TTLL13: variants seen among roughly 807,000 people sequenced by gnomAD.
The protein encoded by TTLL13 is tubulin polyglutamylase TTLL13.
chr15:90,257,524 G>A, the TTLL13 span: 8 of 1,071,540 alleles, frequency 7.5e-6, no homozygotes, highest in Middle Eastern at 2.5e-4. Flanking sequence ...CTGGTGGAGA[G>A]AGACAGGAGA....
At chr15:90,251,415 C>A in the TTLL13 span, 1 of 871,236 alleles carries the variant, frequency 1.1e-6, no homozygotes, top group Non-Finnish European at 1.9e-6. Context: ...TGAGCCACCG[C>A]GCCCAGCCCA....
the TTLL13 span, chr15:90,258,387 G>T: frequency 1.1e-6 from 1 of 877,048 alleles, no homozygotes. Flanking sequence ...TGAAAGCCCT[G>T]GGGTGGGCAG....
At chr15:90,255,815 C>T in the TTLL13 span, 30 of 1,614,086 alleles carry the variant, frequency 1.9e-5, no homozygotes, top group Non-Finnish European at 2.5e-5. Context: ...GGCTCGGAAC[C>T]TCAACCGCAT....
At chr15:90,259,298 G>A in the TTLL13 span, among the ~76,000 whole-genome samples, 1 of 152,028 alleles carries the variant, frequency 6.6e-6, no homozygotes, top group Non-Finnish European at 1.5e-5. Context: ...GCTGAGGTGG[G>A]ATGGTTACTT....
the TTLL13 span, chr15:90,258,646 G>T: frequency 1.9e-6 from 2 of 1,065,888 alleles, no homozygotes; most frequent in Admixed American, 3.7e-5. Flanking sequence ...GAGGCCATGG[G>T]AGAGGAATAT....
At chr15:90,260,314 A>C in the TTLL13 span, among the ~76,000 whole-genome samples, 1 of 151,852 alleles carries the variant, frequency 6.6e-6, no homozygotes, top group Non-Finnish European at 1.5e-5. Flanking sequence ...CCTGGGCAAC[A>C]GGCAAAACCC....
chr15:90,265,140 A>C, the TTLL13 span: 1 of 1,224,798 alleles, frequency 8.2e-7, no homozygotes, highest in Non-Finnish European at 1.1e-6. Flanking sequence ...TCAATACCCT[A>C]AGATTAATTG....
the TTLL13 span, chr15:90,263,695 C>G: frequency 1.6e-6 from 1 of 627,890 alleles, no homozygotes; most frequent in African/African-American, 1.8e-5. Flanking sequence ...ACGCTCCATC[C>G]AAACTTACAT....
At chr15:90,258,775 A>G in the TTLL13 span, 1 of 1,614,192 alleles carries the variant, frequency 6.2e-7, no homozygotes, top group Non-Finnish European at 8.5e-7. Flanking sequence ...CCACGGACTC[A>G]TGCCTTGATC....
the TTLL13 span, among the ~76,000 whole-genome samples, chr15:90,251,202 C>G: frequency 1.7e-3 from 252 of 146,136 alleles, 2 homozygotes; most frequent in African/African-American, 6.2e-3. Context: ...CAAGCTCCGC[C>G]TCCCGGGTTC....
chr15:90,265,192 G>A, the TTLL13 span: 3 of 1,344,740 alleles, frequency 2.2e-6, no homozygotes, highest in Non-Finnish European at 2.9e-6. Context: ...GCCAAGGCCA[G>A]CCATGTACTC....
the TTLL13 span, chr15:90,263,271 G>A: frequency 1.2e-6 from 1 of 869,040 alleles, no homozygotes; most frequent in South Asian, 1.8e-5. Context: ...GGAAAGCAGA[G>A]TGCGCTAGCT....
the TTLL13 span, chr15:90,262,354 A>G: frequency 2.1e-4 from 238 of 1,136,724 alleles, no homozygotes; most frequent in African/African-American, 3.5e-3. Context: ...TAGGTTTCCT[A>G]TCTTCCCCTC....
the TTLL13 span, among the ~76,000 whole-genome samples, chr15:90,256,565 CTTT>C: frequency 2.8e-4 from 11 of 39,420 alleles, no homozygotes; most frequent in African/African-American, 1.0e-3. Context: ...TTCTTTCTTT[CTTT>C]CTTTCTTTCT....
chr15:90,259,340 T>C, the TTLL13 span, among the ~76,000 whole-genome samples: 1 of 151,792 alleles, frequency 6.6e-6, no homozygotes, highest in African/African-American at 2.4e-5. Context: ...CAGTGAGCCA[T>C]GTTTGCACCA....
the TTLL13 span, among the ~76,000 whole-genome samples, chr15:90,252,724 T>C: frequency 6.6e-6 from 1 of 152,030 alleles, no homozygotes; most frequent in Non-Finnish European, 1.5e-5. Context: ...CAGGAGCAGC[T>C]GGGCACGGTG....
the TTLL13 span, among the ~76,000 whole-genome samples, chr15:90,256,569 CTT>C: frequency 1.1e-3 from 35 of 33,306 alleles, 1 homozygote; most frequent in African/African-American, 4.1e-3. Flanking sequence ...TTCTTTCTTT[CTT>C]TCTTTCTTTC....
chr15:90,258,908 C>T, the TTLL13 span: 62 of 1,613,984 alleles, frequency 3.8e-5, no homozygotes, highest in Middle Eastern at 1.6e-4. Context: ...CCAGTGCTAC[C>T]GACAGCCACG....
At chr15:90,265,456 A>C in the TTLL13 span, 1 of 1,341,170 alleles carries the variant, frequency 7.5e-7, no homozygotes, top group Non-Finnish European at 9.5e-7. Flanking sequence ...TCCGTACTTT[A>C]ATTAAAGTTT....
Sources: allele counts gnomAD v4.1 joint callset (sites outside exome capture counted in the v4.1 genomes callset), GRCh38; gene constraint gnomAD v4.1.1; transcripts MANE v1.5; gene names NCBI Gene and HGNC (gene_info 2026-07-23, HGNC 2026-07-21).